Variants in SCG5 observed in about 807,000 individuals in gnomAD.
SCG5 encodes the protein secretogranin V, also known as neuroendocrine protein 7B2.
A neutral mutation model predicts 25.7 loss-of-function variants in SCG5; 18 were observed. That is an observed-to-expected ratio of 0.70 (90% CI 0.48 to 1.04). The LOEUF (loss-of-function observed/expected upper bound fraction) is 1.04. SCG5 is among the 50% of genes least tolerant of loss of function. The probability of loss-of-function intolerance (pLI) is 0.00; values close to 1 mark genes in which losing one functional copy is unlikely to be tolerated. For synonymous variants in SCG5, 101 were observed against 91.7 expected (o/e 1.10, Z -0.58); for missense variants, 206 against 259.8 (o/e 0.79, Z 1.42).
At chr15:32,662,841 T>TGGTGCAGGAGAGCGGAGAG (rs2054243145) in intron 2 of SCG5, among the ~76,000 whole-genome samples, 1 of 85,988 alleles carries the variant, frequency 1.2e-5, no homozygotes, top group African/African-American at 3.4e-5. Context: ...ATTTGATGTC[T>TGGTGCAGGAGAGCGGAGAG]CTGGTGCAGG....
intron 5 of SCG5, chr15:32,692,392 C>A: frequency 2.7e-6 from 1 of 372,010 alleles, no homozygotes; most frequent in Non-Finnish European, 3.7e-6. Context: ...TCTAGATACT[C>A]CACATTTAGC....
rs1344689407 is a variant in SCG5, at chr15:32,663,145, A to G, written c.227-16621A>G. ...ACATATATAACATATATAATATATG[A>G]ATGGCAGCTTTATTGAGATATAATT... On this transcript the variant is annotated intron_variant, in intron 2 of 5. Coordinates refer to ENST00000300175, the MANE Select transcript of SCG5 (RefSeq NM_001144757.3). 6.8e-5 allele frequency among the ~76,000 whole-genome samples: 10 copies of G among 147,400 alleles called. No individual in the cohort carries two copies. In the South Asian group the frequency reaches 1.9e-3, roughly 28 times the overall value.
intron 2 of SCG5, among the ~76,000 whole-genome samples, chr15:32,677,966 C>G (rs532288762): frequency 6.6e-6 from 1 of 152,260 alleles, no homozygotes; most frequent in African/African-American, 2.4e-5. Flanking sequence ...GTATGAGACA[C>G]TTAAGTATTT....
At chr15:32,655,163 C>T (rs2054094905) in intron 2 of SCG5, among the ~76,000 whole-genome samples, 1 of 152,152 alleles carries the variant, frequency 6.6e-6, no homozygotes, top group Admixed American at 6.5e-5. Flanking sequence ...AAAAAATTAG[C>T]TGGACGTGGT....
chr15:32,647,402 T>C (rs2053960382), intron 2 of SCG5, among the ~76,000 whole-genome samples: 1 of 152,230 alleles, frequency 6.6e-6, no homozygotes, highest in African/African-American at 2.4e-5. Context: ...TTAACAAATG[T>C]GTATATTTGC....
chr15:32,694,265 A>T (rs1335374149), intron 5 of SCG5, among the ~76,000 whole-genome samples: 1 of 152,008 alleles, frequency 6.6e-6, no homozygotes, highest in African/African-American at 2.4e-5. Context: ...CAACCTTTGC[A>T]TGTTGTAGGT....
intron 3 of SCG5, among the ~76,000 whole-genome samples, chr15:32,681,066 G>C (rs906883388): frequency 1.3e-5 from 2 of 152,118 alleles, no homozygotes; most frequent in Non-Finnish European, 2.9e-5. Flanking sequence ...ACAGAGTAAG[G>C]ACTCTTTAAA....
In SCG5 at chr15:32,661,038, A is replaced by T. The variant is rs560615298; in HGVS notation, c.226+17220A>T. On this transcript the variant is annotated intron_variant, in intron 2 of 5. Coordinates refer to ENST00000300175, the MANE Select transcript of SCG5 (RefSeq NM_001144757.3). ...AATAGTGTTGGAGGAGAAGGAAGCA[A>T]ATATTTATTTTGTATCTACTATGTG... is the stretch of plus-strand genomic sequence containing the variant. Among the ~76,000 whole-genome samples, 228 of 152,360 alleles carry T rather than the reference A, an allele frequency of 1.5e-3. 2 individuals are homozygous for T. Among genetic ancestry groups the T allele is most frequent in the African/African-American group, 5.4e-3 (223 of 41,588 alleles).
intron 5 of SCG5, chr15:32,692,035 T>G (rs1595823289): frequency 7.5e-7 from 1 of 1,339,246 alleles, no homozygotes; most frequent in East Asian, 3.0e-5. Flanking sequence ...TGTGTATTGC[T>G]TCCCCCATCA....
At chr15:32,661,708 G>A (rs2054222348) in intron 2 of SCG5, among the ~76,000 whole-genome samples, 1 of 152,134 alleles carries the variant, frequency 6.6e-6, no homozygotes, top group Non-Finnish European at 1.5e-5. Context: ...GAGACCCATG[G>A]CTCTAGAGGC....
intron 2 of SCG5, among the ~76,000 whole-genome samples, chr15:32,645,420 G>A (rs1042893451): frequency 2.6e-5 from 4 of 152,158 alleles, no homozygotes; most frequent in African/African-American, 9.7e-5. Context: ...GCAGGAGACT[G>A]GTGCAGCTCT....
chr15:32,671,354 ACT>A (rs1374559541), intron 2 of SCG5, among the ~76,000 whole-genome samples: 2 of 152,094 alleles, frequency 1.3e-5, no homozygotes, highest in South Asian at 2.1e-4. Context: ...TGTGAAAATG[ACT>A]CTGTTCTTTT....
At position 32,654,465 on chromosome 15, in the gene SCG5, T is replaced by A. The variant is rs144972775; in HGVS notation, c.226+10647T>A. Among the ~76,000 whole-genome samples, 468 of 152,310 alleles carry A rather than the reference T, an allele frequency of 3.1e-3. 3 individuals are homozygous for A. The highest frequency in any genetic ancestry group is 0.011 in the African/African-American group (441 of 41,564). The stretch of plus-strand genomic sequence containing the variant: ...AGCTAGTATTTGTGGGATCAGAGCC[T>A]GAGCTGGACCCCGGTGTTTTCCTCT... On this transcript the variant is annotated intron_variant, in intron 2 of 5. Transcript: ENST00000300175.
chr15:32,657,678 T>C (rs1295588175), intron 2 of SCG5, among the ~76,000 whole-genome samples: 1 of 152,190 alleles, frequency 6.6e-6, no homozygotes, highest in African/African-American at 2.4e-5. Context: ...CACTGTCCTC[T>C]TGTGGGCGTC....
intron 2 of SCG5, among the ~76,000 whole-genome samples, chr15:32,676,534 CATT>C (rs1459302334): frequency 6.6e-5 from 10 of 152,194 alleles, no homozygotes; most frequent in African/African-American, 2.2e-4. Context: ...ATAGTGCCAA[CATT>C]ATATAAAGCT....
intron 2 of SCG5, among the ~76,000 whole-genome samples, chr15:32,659,778 T>G (rs980370135): frequency 6.6e-5 from 10 of 152,158 alleles, no homozygotes; most frequent in African/African-American, 2.4e-4. Flanking sequence ...CAGGAATGGA[T>G]GGGCCTGCTG....
At chr15:32,676,611 A>T (rs2054535341) in intron 2 of SCG5, among the ~76,000 whole-genome samples, 1 of 152,170 alleles carries the variant, frequency 6.6e-6, no homozygotes, top group African/African-American at 2.4e-5. Context: ...GTTAATGTGG[A>T]ATCATAGGTA....
chr15:32,691,983 G>A (rs2054867063), intron 5 of SCG5: 10 of 1,411,710 alleles, frequency 7.1e-6, no homozygotes, highest in South Asian at 6.8e-5. Flanking sequence ...AGTGGAACGC[G>A]CAGTCTGTAG....
chr15:32,686,740 G>T (rs1441868982), intron 4 of SCG5, among the ~76,000 whole-genome samples: 1 of 152,164 alleles, frequency 6.6e-6, no homozygotes, highest in East Asian at 1.9e-4. Flanking sequence ...TGTGTTCCAG[G>T]CACTGTGCTA....
Sources: allele counts gnomAD v4.1 joint callset (sites outside exome capture counted in the v4.1 genomes callset), GRCh38; gene constraint gnomAD v4.1.1; transcripts MANE v1.5; gene names NCBI Gene and HGNC (gene_info 2026-07-23, HGNC 2026-07-21).